PCDHA5: variants seen among roughly 807,000 people sequenced by gnomAD.
PCDHA5 encodes the protein protocadherin alpha 5, also known as protocadherin alpha-5.
PCDHA5 carries 43 observed loss-of-function variants against 61.6 expected under a neutral mutation model. The ratio of observed to expected loss-of-function variants is 0.70; its 90% CI spans 0.55 to 0.90. The LOEUF is 0.90. Among genes scored for constraint, PCDHA5 ranks in the 40% least tolerant of loss-of-function variants. The probability of loss-of-function intolerance (pLI) is 0.00; values close to 1 mark genes in which losing one functional copy is unlikely to be tolerated. For synonymous variants in PCDHA5, 627 were observed against 543.9 expected, an observed-to-expected ratio of 1.15 and a Z score of -2.13; for missense variants, 1,298 against 1,222.7, an observed-to-expected ratio of 1.06 and a Z score of -0.92.
Position 140,876,717 on chromosome 5 carries a change from C to T in PCDHA5, c.2352+52590C>T, listed in dbSNP as rs377702421. ...TGGTGCTGGACAGCGCCCTGGACCG[C>T]GAGAGCGTGTCGGCCTATGAGCTGG... On this transcript the variant is annotated intron_variant, in intron 1 of 3. Coordinates refer to ENST00000529859, the MANE Select transcript of PCDHA5 (RefSeq NM_018908.3). The T allele has an allele frequency of 3.7e-6, 6 of 1,614,118 alleles. No homozygotes were observed. The African/African-American group carries it at 5.3e-5, about 14-fold the overall frequency.
intron 3 of PCDHA5, among the ~76,000 whole-genome samples, chr5:140,985,406 GA>G (rs1554247033): frequency 6.6e-6 from 1 of 152,136 alleles, no homozygotes; most frequent in Non-Finnish European, 1.5e-5. Flanking sequence ...TGTTCCCCTG[GA>G]AATGGAGTGA....
intron 1 of PCDHA5, chr5:140,842,373 C>T (rs1554138976): frequency 1.9e-6 from 3 of 1,608,288 alleles, no homozygotes; most frequent in Admixed American, 1.7e-5. Flanking sequence ...CCTGAGATAG[C>T]ACTGACTTCC....
At position 140,823,555 on chromosome 5, in the gene PCDHA5, C is replaced by G; in HGVS notation, c.1780C>G (p.Arg594Gly). The G allele has an allele frequency of 3.1e-6, 5 of 1,613,846 alleles. No homozygotes were observed. Among genetic ancestry groups the G allele is most frequent in the South Asian group, 1.1e-5 (1 of 91,070 alleles). Residue 594 changes from arginine (R) to glycine (G), a missense_variant, in exon 1 of 4, where the codon CGC becomes GGC. Coordinates refer to ENST00000529859, the MANE Select transcript of PCDHA5 (RefSeq NM_018908.3). ...TGCGGGCCACGTGGTGGCGAAGGTG[C>G]GCGCAGTGGACCCTGATTCGGGCTA... ...VGAGHVVAKV[R>G]AVDPDSGYNA...
intron 1 of PCDHA5, among the ~76,000 whole-genome samples, chr5:140,964,393 C>T (rs782008532): frequency 6.6e-6 from 1 of 152,098 alleles, no homozygotes; most frequent in Admixed American, 6.5e-5. Context: ...GTTTTTCTCC[C>T]AAGACATGAC....
At chr5:141,005,288 T>A (rs908780920) in intron 3 of PCDHA5, among the ~76,000 whole-genome samples, 1 of 152,176 alleles carries the variant, frequency 6.6e-6, no homozygotes. Flanking sequence ...AACAGATACA[T>A]TTTTTGCCTT....
intron 1 of PCDHA5, chr5:140,860,966 T>A (rs2046677867): frequency 6.6e-6 from 1 of 152,238 alleles, no homozygotes; most frequent in African/African-American, 2.4e-5. Context: ...CTAGATCTCC[T>A]GACCTCGTGA....
intron 1 of PCDHA5, chr5:140,858,292 C>T (rs1554151391): frequency 6.3e-7 from 1 of 1,597,508 alleles, no homozygotes; most frequent in East Asian, 2.2e-5. Context: ...GCTGGTCTTA[C>T]TCGCAGCAGA....
intron 1 of PCDHA5, among the ~76,000 whole-genome samples, chr5:140,953,351 C>G (rs1007094673): frequency 3.3e-5 from 5 of 152,122 alleles, no homozygotes; most frequent in Non-Finnish European, 5.9e-5. Context: ...TTCTTTTGTT[C>G]TGTGCACTCA....
At chr5:140,867,147 C>G (rs1554160998) in intron 1 of PCDHA5, 1 of 152,068 alleles carries the variant, frequency 6.6e-6, no homozygotes, top group Non-Finnish European at 1.5e-5. Flanking sequence ...TATCATTTTT[C>G]CAGAGTAAAC....
rs1317338643 is a variant in PCDHA5, at chr5:140,821,982, C to T, written c.207C>T (p.Gly69=). Reference sequence around the variant, plus strand: ...GCCTGTTCCGGGTGGCGTCCAAGGGCCGCGGGGACCTTCTGGAGGTAAATC... The same window carrying T: ...GCCTGTTCCGGGTGGCGTCCAAGGGTCGCGGGGACCTTCTGGAGGTAAATC... ...VPRLFRVASK[G]RGDLLEVNLQ... is the part of the protein sequence containing the mutation. Residue 69 remains glycine (G), a synonymous_variant, in exon 1 of 4, where the codon GGC becomes GGT. Coordinates refer to ENST00000529859, the MANE Select transcript of PCDHA5 (RefSeq NM_018908.3). 6 of 1,614,026 alleles carry T rather than the reference C, an allele frequency of 3.7e-6. No homozygotes were observed. Among genetic ancestry groups the T allele is most frequent in the African/African-American group, 2.7e-5 (2 of 74,936 alleles).
At chr5:140,868,200 T>G (rs1280989116) in intron 1 of PCDHA5, 4 of 152,156 alleles carry the variant, frequency 2.6e-5, no homozygotes, top group African/African-American at 9.6e-5. Flanking sequence ...ATGGCTTACA[T>G]TAGAAATAAT....
intron 1 of PCDHA5, chr5:140,967,843 T>G (rs782701780): frequency 6.2e-7 from 1 of 1,614,102 alleles, no homozygotes; most frequent in East Asian, 2.2e-5. Flanking sequence ...TGGACGTGAA[T>G]GACAATGCCC....
chr5:141,001,529 A>T (rs1344687772), intron 3 of PCDHA5, among the ~76,000 whole-genome samples: 1 of 152,106 alleles, frequency 6.6e-6, no homozygotes, highest in Non-Finnish European at 1.5e-5. Context: ...TCTCTCTCTG[A>T]TCCTGGACAG....
At chr5:141,005,304 A>G (rs2098205361) in intron 3 of PCDHA5, among the ~76,000 whole-genome samples, 1 of 152,200 alleles carries the variant, frequency 6.6e-6, no homozygotes, top group Non-Finnish European at 1.5e-5. Context: ...GCCTTTGTGA[A>G]TCTTACAGTG....
intron 1 of PCDHA5, chr5:140,858,447 A>G (rs1554151639): frequency 6.5e-7 from 1 of 1,533,388 alleles, no homozygotes; most frequent in Admixed American, 2.0e-5. Flanking sequence ...GTGGGTTATT[A>G]CGTTTTCATT....
intron 1 of PCDHA5, chr5:140,862,653 G>A: frequency 1.8e-6 from 1 of 544,670 alleles, no homozygotes; most frequent in Non-Finnish European, 3.7e-6. Context: ...TGTCCGCGCG[G>A]GACCGGGACG....
chr5:140,876,154 A>C, intron 1 of PCDHA5: 2 of 1,613,972 alleles, frequency 1.2e-6, no homozygotes, highest in Non-Finnish European at 1.7e-6. Flanking sequence ...GTCTGTCCAG[A>C]TTCAAATAAC....
chr5:140,944,799 G>A (rs1160069845), intron 1 of PCDHA5, among the ~76,000 whole-genome samples: 2 of 152,090 alleles, frequency 1.3e-5, no homozygotes, highest in Non-Finnish European at 2.9e-5. Flanking sequence ...CAAGTCTGTC[G>A]AGGGTCCACA....
Position 141,010,415 on chromosome 5 carries a change from C to T in PCDHA5, c.*478C>T. ...ACGAGCCAGCTTAGACTAATTGGTA[C>T]AAGGAAGGCAAGAAAACAAAGACAA... On this transcript the variant is annotated 3_prime_UTR_variant, in exon 4 of 4. Transcript: ENST00000529859. 1 of 1,160,734 alleles carries T rather than the reference C, an allele frequency of 8.6e-7. No homozygotes were observed. 71.9% of individuals were successfully genotyped at this position (1,160,734 alleles called of 1,614,324 possible).
Sources: gnomAD v4.1 joint callset for allele counts (sites outside exome capture counted in the v4.1 genomes callset) on GRCh38, gnomAD v4.1.1 for gene constraint, MANE v1.5 for transcripts, NCBI Gene and HGNC (gene_info 2026-07-23, HGNC 2026-07-21) for gene names.